The following NRG1 variants were observed in gnomAD, a reference collection of about 807,000 sequenced individuals.
NRG1 encodes neuregulin 1, also known as pro-neuregulin-1, membrane-bound isoform.
NRG1 carries 18 observed loss-of-function variants against 63.8 expected under a neutral mutation model. That is an observed-to-expected ratio of 0.28 (90% CI 0.19 to 0.42). The LOEUF (loss-of-function observed/expected upper bound fraction) is 0.42, where lower values mean the gene tolerates loss of function less well. Ranked by LOEUF, NRG1 falls within the 10% of genes least tolerant of loss-of-function variation. NRG1 has a pLI of 1.00. For synonymous variants in NRG1, 302 were observed against 301.3 expected (o/e 1.00, Z -0.02); for missense variants, 762 against 814.7 (o/e 0.94, Z 0.79).
At chr8:31,718,395 T>C (rs1812572887) in intron 1 of NRG1, among the ~76,000 whole-genome samples, 1 of 152,194 alleles carries the variant, frequency 6.6e-6, no homozygotes, top group Admixed American at 6.5e-5. Flanking sequence ...AATCCTTTAA[T>C]GCACTCAGTC....
At chr8:32,313,010 G>A (rs549019613) in intron 1 of NRG1, among the ~76,000 whole-genome samples, 22 of 152,162 alleles carry the variant, frequency 1.4e-4, no homozygotes, top group South Asian at 8.3e-4. Flanking sequence ...AAAATTAGCC[G>A]CGTGTGGTGG....
chr8:31,800,840 T>TC lies in NRG1; in HGVS notation c.37+161409_37+161410insC, dbSNP rs796952742. Among the ~76,000 whole-genome samples the TC allele has an allele frequency of 2.5e-3, 333 of 132,724 alleles. 5 individuals carry two copies. Among genetic ancestry groups the TC allele is most frequent in the East Asian group, 6.7e-3 (32 of 4,780 alleles). The allele number at this position is 132,724 out of a possible 152,430, so 87.1% of individuals were successfully genotyped here. On this transcript the variant is annotated intron_variant, in intron 1 of 10. Coordinates refer to the NRG1 transcript ENST00000519301. Reference sequence around the variant, plus strand: ...TTAGATTTCTCCAGTCTCCTTTCTTTTTTTTTTTTTTTTTTTTTGAGATGG... The same window carrying TC: ...TTAGATTTCTCCAGTCTCCTTTCTTTCTTTTTTTTTTTTTTTTTTGAGATGG...
intron 1 of NRG1, among the ~76,000 whole-genome samples, chr8:31,927,207 T>G (rs1277567169): frequency 6.6e-6 from 1 of 152,050 alleles, no homozygotes; most frequent in Admixed American, 6.5e-5. Context: ...GTAAAGTGGC[T>G]GAGATGAATT....
At chr8:31,908,644 G>T (rs1832709572) in intron 1 of NRG1, among the ~76,000 whole-genome samples, 1 of 152,098 alleles carries the variant, frequency 6.6e-6, no homozygotes, top group Admixed American at 6.6e-5. Context: ...TTATAAAGCA[G>T]AACTTTGCAC....
chr8:31,848,833 A>G (rs938993072), intron 1 of NRG1, among the ~76,000 whole-genome samples: 1 of 152,204 alleles, frequency 6.6e-6, no homozygotes, highest in East Asian at 1.9e-4. Flanking sequence ...CACTGATTCT[A>G]CATTACGGTG....
At chr8:32,552,052 A>G (rs748694181) in intron 1 of NRG1, among the ~76,000 whole-genome samples, 24 of 151,824 alleles carry the variant, frequency 1.6e-4, no homozygotes, top group Middle Eastern at 3.4e-3. Context: ...CTGGGACTAC[A>G]GGTGTGCGCC....
intron 5 of NRG1, among the ~76,000 whole-genome samples, chr8:32,666,188 C>T (rs1804111957): frequency 1.3e-5 from 2 of 152,148 alleles, no homozygotes; most frequent in Admixed American, 1.3e-4. Context: ...CTGCTTACTT[C>T]TTCTTTAAGT....
chr8:32,170,009 T>G (rs1319053987), intron 1 of NRG1, among the ~76,000 whole-genome samples: 1 of 152,156 alleles, frequency 6.6e-6, no homozygotes, highest in Non-Finnish European at 1.5e-5. Flanking sequence ...AAGAACACCA[T>G]GTGAAGACAG....
At chr8:32,390,390 G>A (rs1811574156) in intron 1 of NRG1, among the ~76,000 whole-genome samples, 1 of 151,986 alleles carries the variant, frequency 6.6e-6, no homozygotes, top group Admixed American at 6.6e-5. Flanking sequence ...ATACCAACCT[G>A]GGCAACATAG....
chr8:31,763,693 G>A (rs751981697), intron 1 of NRG1, among the ~76,000 whole-genome samples: 1 of 152,214 alleles, frequency 6.6e-6, no homozygotes, highest in African/African-American at 2.4e-5. Flanking sequence ...GCTCACGCCT[G>A]TGATCCCAGC....
intron 5 of NRG1, among the ~76,000 whole-genome samples, chr8:32,702,455 G>A (rs1245095270): frequency 6.6e-6 from 1 of 152,210 alleles, no homozygotes; most frequent in African/African-American, 2.4e-5. Flanking sequence ...AAAGGAGAAT[G>A]GATTAATATA....
chr8:31,677,009 T>C (rs1807774473), intron 1 of NRG1, among the ~76,000 whole-genome samples: 1 of 152,174 alleles, frequency 6.6e-6, no homozygotes, highest in Non-Finnish European at 1.5e-5. Flanking sequence ...GACCTTCCCT[T>C]GCTTGTCTCT....
chr8:31,692,655 A>T (rs532093751), intron 1 of NRG1, among the ~76,000 whole-genome samples: 1 of 152,330 alleles, frequency 6.6e-6, no homozygotes, highest in African/African-American at 2.4e-5. Flanking sequence ...AGCTGCCTTG[A>T]TATGGATACA....
At chr8:32,337,455 T>C (rs946988250) in intron 1 of NRG1, among the ~76,000 whole-genome samples, 1 of 151,804 alleles carries the variant, frequency 6.6e-6, no homozygotes, top group African/African-American at 2.4e-5. Flanking sequence ...AGCATTTAGT[T>C]TGTCTGTTTT....
At chr8:32,146,736 T>A (rs6468087) in intron 1 of NRG1, among the ~76,000 whole-genome samples, 13,210 of 151,872 alleles carry the variant, frequency 0.087, 1,295 homozygotes, top group African/African-American at 0.24. Context: ...TCTTTTTTTT[T>A]AAAAAAAGCA....
At chr8:32,622,409 T>A (rs1240056654) in intron 5 of NRG1, among the ~76,000 whole-genome samples, 1 of 152,168 alleles carries the variant, frequency 6.6e-6, no homozygotes, top group Non-Finnish European at 1.5e-5. Flanking sequence ...TCTGTTCTTT[T>A]CTTTTCTTCT....
chr8:32,604,293 G>T (rs1263109859), intron 2 of NRG1, among the ~76,000 whole-genome samples: 1 of 152,086 alleles, frequency 6.6e-6, no homozygotes, highest in Non-Finnish European at 1.5e-5. Context: ...AAGATCAGGG[G>T]GTCTACATGT....
chr8:32,177,479 A>T (rs1399585737), intron 1 of NRG1, among the ~76,000 whole-genome samples: 2 of 152,056 alleles, frequency 1.3e-5, no homozygotes, highest in African/African-American at 2.4e-5. Flanking sequence ...AAATTATAAT[A>T]AAAAAATTAA....
At chr8:32,049,816 C>T (rs549885032) in intron 1 of NRG1, among the ~76,000 whole-genome samples, 2 of 152,242 alleles carry the variant, frequency 1.3e-5, no homozygotes, top group East Asian at 3.9e-4. Context: ...CTGAAATTGT[C>T]ATTGCAGACC....
Sources: gnomAD v4.1 joint callset for allele counts (sites outside exome capture counted in the v4.1 genomes callset) on GRCh38, gnomAD v4.1.1 for gene constraint, MANE v1.5 for transcripts, NCBI Gene and HGNC (gene_info 2026-07-23, HGNC 2026-07-21) for gene names.